Variants in RBPJ observed in about 807,000 individuals in gnomAD.
RBPJ encodes the protein recombination signal binding protein for immunoglobulin kappa J region, also known as recombining binding protein suppressor of hairless.
A neutral mutation model predicts 67.8 loss-of-function variants in RBPJ; 9 were observed. That is an observed-to-expected ratio of 0.13 (90% CI 0.08 to 0.23). The LOEUF (loss-of-function observed/expected upper bound fraction) is 0.23, where lower values mean the gene tolerates loss of function less well. RBPJ is among the 10% of genes least tolerant of loss of function. The pLI, the probability that RBPJ is intolerant of heterozygous loss-of-function variation, is 1.00. For missense variants in RBPJ, 305 were observed against 595.6 expected (o/e 0.51, Z 5.08); for synonymous variants, 198 against 203.3 (o/e 0.97, Z 0.22).
the RBPJ span, among the ~76,000 whole-genome samples, chr4:26,142,194 C>T: frequency 6.6e-6 from 1 of 152,190 alleles, no homozygotes; most frequent in Non-Finnish European, 1.5e-5. Flanking sequence ...GAGTAGTCAC[C>T]AACTTGAATC....
intron 1 of RBPJ, among the ~76,000 whole-genome samples, chr4:26,375,520 G>A (rs1391695104): frequency 2.6e-5 from 4 of 152,122 alleles, no homozygotes; most frequent in Non-Finnish European, 5.9e-5. Context: ...CCAGAATCTA[G>A]GAGAACAGTT....
intron 3 of RBPJ, 88 bp downstream of exon 3, chr4:26,406,358 T>C: frequency 1.2e-6 from 1 of 816,368 alleles, no homozygotes; most frequent in South Asian, 1.5e-5. Flanking sequence ...GAGGATGGCT[T>C]CTATTACTGG....
chr4:26,270,417 G>GAAAGA (rs1720865543), intron 1 of RBPJ, among the ~76,000 whole-genome samples: 2 of 54,562 alleles, frequency 3.7e-5, no homozygotes, highest in East Asian at 8.8e-4. Flanking sequence ...AAGAAAGAAA[G>GAAAGA]AAAGAAAGAA....
intron 1 of RBPJ, among the ~76,000 whole-genome samples, chr4:26,383,353 A>T (rs1322566145): frequency 1.3e-5 from 2 of 152,238 alleles, no homozygotes; most frequent in East Asian, 3.8e-4. Context: ...CTTACTAGCC[A>T]TGTAATTAAA....
At chr4:26,303,181 AAAATAAATAAATAAAT>A (rs143814094) in intron 1 of RBPJ, among the ~76,000 whole-genome samples, 35 of 138,374 alleles carry the variant, frequency 2.5e-4, no homozygotes, top group Middle Eastern at 7.4e-3. Context: ...ACCCTGTCAA[AAAATAAATAAATAAAT>A]AAATAAATAA....
At chr4:26,191,198 T>G (rs1343116768) in intron 1 of RBPJ, among the ~76,000 whole-genome samples, 1 of 28,978 alleles carries the variant, frequency 3.5e-5, no homozygotes, top group East Asian at 1.6e-3. Context: ...TATATATATA[T>G]ATATATATAT....
At chr4:26,208,796 G>T (rs960532372) in intron 1 of RBPJ, among the ~76,000 whole-genome samples, 1 of 152,010 alleles carries the variant, frequency 6.6e-6, no homozygotes, top group Non-Finnish European at 1.5e-5. Flanking sequence ...TTGTCCATGT[G>T]TGCCCAGCCT....
intron 3 of RBPJ, chr4:26,412,830 T>C (rs1410915081): frequency 6.6e-6 from 1 of 152,092 alleles, no homozygotes; most frequent in African/African-American, 2.4e-5. Context: ...AAGCATTGGG[T>C]AGCTCCCAGC....
chr4:26,250,492 C>T lies in RBPJ; in HGVS notation c.-167+86878C>T, dbSNP rs189956179. Among the ~76,000 whole-genome samples, 38 of 152,012 alleles carry T rather than the reference C, an allele frequency of 2.5e-4. 1 individual carries two copies. The highest frequency in any genetic ancestry group is 5.0e-4 in the Non-Finnish European group (34 of 67,952). On this transcript the variant is annotated intron_variant, in intron 1 of 4. Transcript: ENST00000512351. ...GATTACAGGTGTGTGCCACCATGCC[C>T]GGCTAATTTTTGTATTTTTAGTAGA...
intron 1 of RBPJ, among the ~76,000 whole-genome samples, chr4:26,237,391 G>A (rs1247696456): frequency 6.6e-6 from 1 of 152,128 alleles, no homozygotes; most frequent in Non-Finnish European, 1.5e-5. Flanking sequence ...TGAAAAGGCT[G>A]CCTATTAAAT....
intron 8 of RBPJ, among the ~76,000 whole-genome samples, chr4:26,429,176 G>A (rs1051434398): frequency 3.3e-5 from 5 of 152,228 alleles, no homozygotes; most frequent in African/African-American, 1.2e-4. Context: ...TGAATCCTCT[G>A]AAATTGTGTG....
At chr4:26,255,125 C>G (rs1423114614) in intron 1 of RBPJ, among the ~76,000 whole-genome samples, 1 of 147,698 alleles carries the variant, frequency 6.8e-6, no homozygotes, top group Admixed American at 6.8e-5. Flanking sequence ...AACATCTAGG[C>G]CGGGCGTGGT....
the RBPJ span, among the ~76,000 whole-genome samples, chr4:26,130,059 A>C: frequency 1.3e-5 from 2 of 151,954 alleles, no homozygotes; most frequent in Non-Finnish European, 2.9e-5. Context: ...ACAGGGTTTC[A>C]CCATGTTGGC....
intron 1 of RBPJ, among the ~76,000 whole-genome samples, chr4:26,225,818 G>C (rs1257153461): frequency 1.3e-5 from 2 of 151,916 alleles, no homozygotes; most frequent in African/African-American, 2.4e-5. Flanking sequence ...ATAGAAGCAG[G>C]ATATTTTCCA....
chr4:26,125,649 A>C, the RBPJ span, among the ~76,000 whole-genome samples: 2 of 152,100 alleles, frequency 1.3e-5, no homozygotes, highest in African/African-American at 4.8e-5. Flanking sequence ...AAATACAAAA[A>C]TTAGCTGAGT....
chr4:26,405,598 T>G (rs1207039821), intron 2 of RBPJ, among the ~76,000 whole-genome samples: 1 of 152,178 alleles, frequency 6.6e-6, no homozygotes, highest in African/African-American at 2.4e-5. Context: ...TTTATTAAAT[T>G]TTATTTATTT....
chr4:26,340,034 A>G (rs1483830607), intron 1 of RBPJ, among the ~76,000 whole-genome samples: 1 of 152,120 alleles, frequency 6.6e-6, no homozygotes, highest in Non-Finnish European at 1.5e-5. Context: ...AAAAAAGAAC[A>G]TTTCATTCAT....
At chr4:26,254,586 C>T (rs1720228368) in intron 1 of RBPJ, among the ~76,000 whole-genome samples, 1 of 148,726 alleles carries the variant, frequency 6.7e-6, no homozygotes, top group Non-Finnish European at 1.5e-5. Flanking sequence ...TGCCACATAA[C>T]TAGTTTTTTT....
chr4:26,232,603 C>T (rs1719327212), intron 1 of RBPJ, among the ~76,000 whole-genome samples: 1 of 152,242 alleles, frequency 6.6e-6, no homozygotes, highest in Admixed American at 6.5e-5. Flanking sequence ...CAATCTGTAA[C>T]AGAATGTTCT....
Sources: gnomAD v4.1 joint callset for allele counts (sites outside exome capture counted in the v4.1 genomes callset) on GRCh38, gnomAD v4.1.1 for gene constraint, MANE v1.5 for transcripts, NCBI Gene and HGNC (gene_info 2026-07-23, HGNC 2026-07-21) for gene names.